Variants in TP53AIP1 observed in about 807,000 individuals in gnomAD.
The protein encoded by TP53AIP1 is tumor protein p53 regulated apoptosis inducing protein 1.
A neutral mutation model predicts 9.5 loss-of-function variants in TP53AIP1; 14 were observed. The observed-to-expected ratio is 1.47, with a 90% CI of 0.97 to 2.30. The LOEUF (loss-of-function observed/expected upper bound fraction) is 2.30. TP53AIP1 is among the 30% of genes most tolerant of loss of function. TP53AIP1 has a pLI of 0.00. For synonymous variants in TP53AIP1, 73 were observed against 61.2 expected (o/e 1.19, Z -0.90); for missense variants, 153 against 146.7 (o/e 1.04, Z -0.22).
At position 128,936,537 on chromosome 11, in the gene TP53AIP1, C is replaced by G; in HGVS notation, c.253+1G>C. On this transcript the variant is annotated splice_donor_variant, in intron 3 of 3. Coordinates refer to ENST00000531399, the MANE Select transcript of TP53AIP1 (RefSeq NM_022112.3). LOFTEE classifies it high-confidence loss of function. ...GAATTCACTAAGTAATTATCACACA[C>G]CTGTCAGGATCCAGACAGTTGCTGA... 1 of 1,563,090 alleles carries G rather than the reference C, an allele frequency of 6.4e-7. No homozygotes were observed. Among genetic ancestry groups the G allele is most frequent in the Non-Finnish European group, 8.6e-7 (1 of 1,162,198 alleles).
Position 128,937,651 on chromosome 11 carries a change from G to T in TP53AIP1, c.141+27C>A, listed in dbSNP as rs141657288. 9.9e-6 allele frequency: 16 copies of T among 1,614,160 alleles called. No homozygotes were observed. In the Middle Eastern group the frequency reaches 2.6e-3, roughly 266 times the overall value. On this transcript the variant is annotated intron_variant, in intron 2 of 3. Coordinates refer to ENST00000531399, the MANE Select transcript of TP53AIP1 (RefSeq NM_022112.3). The surrounding 1 kb of genome is among the most constrained non-coding windows in gnomAD (Gnocchi z 4.8). ...CCGGGGCTGTGGCAGGCAAAAGACC[G>T]TCTCGGTTTTCACTGCAGGGACTTA... is the stretch of plus-strand genomic sequence containing the variant.
chr11:128,935,232 C>G, downstream of TP53AIP1: 1 of 1,383,524 alleles, frequency 7.2e-7, no homozygotes, highest in Non-Finnish European at 9.6e-7. Context: ...GAAGTGCATA[C>G]TGGGAGTGCC....
intron 3 of TP53AIP1, 62 bp from the exon 4 acceptor site, chr11:128,935,774 A>C: frequency 6.9e-7 from 1 of 1,459,156 alleles, no homozygotes; most frequent in Non-Finnish European, 9.0e-7. Context: ...TTATTTACCA[A>C]ATATCATGTT....
At chr11:128,935,162 G>T, downstream of TP53AIP1, 1 of 914,176 alleles carries the variant, frequency 1.1e-6, no homozygotes, top group South Asian at 1.4e-5. Context: ...GGGGCTTGCT[G>T]GTTGGCATCA....
rs148355532 is a variant in TP53AIP1 at position 128,936,312 on chromosome 11, C to T, written c.253+226G>A. The stretch of plus-strand genomic sequence containing the variant: ...TCAATTAGCTTGGCTGTAGTGACCA[C>T]TCTTAAGTGTACCGTTACCTTTTAT... On this transcript the variant is annotated intron_variant, in intron 3 of 3. Coordinates refer to ENST00000531399, the MANE Select transcript of TP53AIP1 (RefSeq NM_022112.3). The T allele has an allele frequency of 1.0e-3, 1,325 of 1,329,874 alleles. 11 individuals are homozygous for T. The African/African-American group carries it at 0.018, about 18-fold the overall frequency. 82.4% of individuals were successfully genotyped at this position (1,329,874 alleles called of 1,614,324 possible). A position where few individuals can be genotyped will look rare whatever the true frequency, so the allele number is the denominator to read the frequency against.
chr11:128,934,969 T>C (rs1271222166), downstream of TP53AIP1: 6 of 702,484 alleles, frequency 8.5e-6, no homozygotes, highest in Non-Finnish European at 1.6e-5. Context: ...TGGTTAAGGG[T>C]TGCCCTGGGG....
rs144525909 is a variant in TP53AIP1, at chr11:128,938,639, G to A, written c.-76-745C>T. ...CTCTCGCAAGTCCCCGGTGGCCCAG[G>A]GTCTAGGGAGAAGCTGCATTCTGAG... On this transcript the variant is annotated intron_variant, in intron 1 of 3. Coordinates refer to ENST00000531399, the MANE Select transcript of TP53AIP1 (RefSeq NM_022112.3). Among the ~76,000 whole-genome samples, 9 of 152,240 alleles carry A rather than the reference G, an allele frequency of 5.9e-5. No homozygotes were observed. The East Asian group carries it at 1.7e-3, about 29-fold the overall frequency.
In TP53AIP1 at chr11:128,939,389, G is replaced by C. The variant is rs957581505; in HGVS notation, c.-76-1495C>G. Among the ~76,000 whole-genome samples, 12 of 152,238 alleles carry C rather than the reference G, an allele frequency of 7.9e-5. No homozygotes were observed. Among genetic ancestry groups the C allele is most frequent in the African/African-American group, 2.9e-4 (12 of 41,466 alleles). On this transcript the variant is annotated intron_variant, in intron 1 of 3. Coordinates refer to ENST00000531399, the MANE Select transcript of TP53AIP1 (RefSeq NM_022112.3). This position sits in a 1 kb window ranked among gnomAD's most constrained non-coding sequence, Gnocchi z 4.1. The stretch of plus-strand genomic sequence containing the variant: ...GCAGGGGCAGCTGACTGCTGTCCCA[G>C]ATGGACATAGAAGGTCACCATGTGG...
At chr11:128,935,999 C>T in intron 3 of TP53AIP1, 1 of 909,450 alleles carries the variant, frequency 1.1e-6, no homozygotes, top group Non-Finnish European at 1.4e-6. Flanking sequence ...AGGTGCTGTT[C>T]TTAGCATTTC....
Position 128,937,907 on chromosome 11 carries a change from A to G in TP53AIP1, c.-76-13T>C. ...AGTCCCTAAGGGACTAAAAACAAAC[A>G]AAACAGGCTATGAACAGAAGCAGTG... is the stretch of plus-strand genomic sequence containing the variant. On this transcript the variant is annotated splice_polypyrimidine_tract_variant and intron_variant, in intron 1 of 3. Transcript: ENST00000531399. This position sits in a 1 kb window ranked among gnomAD's most constrained non-coding sequence, Gnocchi z 4.8. The G allele has an allele frequency of 7.3e-7, 1 of 1,369,088 alleles. No homozygotes were observed. The highest frequency in any genetic ancestry group is 1.5e-5 in the African/African-American group (1 of 68,450). The allele number at this position is 1,369,088 out of a possible 1,614,324, so 84.8% of individuals were successfully genotyped here.
In TP53AIP1 at chr11:128,939,797, G is replaced by A. The variant is rs1370875275; in HGVS notation, c.-76-1903C>T. On this transcript the variant is annotated intron_variant, in intron 1 of 3. Coordinates refer to ENST00000531399, the MANE Select transcript of TP53AIP1 (RefSeq NM_022112.3). This position sits in a 1 kb window ranked among gnomAD's most constrained non-coding sequence, Gnocchi z 4.1. The stretch of plus-strand genomic sequence containing the variant: ...ATTCCCATGTAAAGCTGGCTGCAAT[G>A]GATGATGTTTCTGACTCATACTCTG... Among the ~76,000 whole-genome samples the A allele has an allele frequency of 6.6e-6, 1 of 152,198 alleles. No individual in the cohort carries two copies. The highest frequency in any genetic ancestry group is 1.5e-5 in the Non-Finnish European group (1 of 68,032).
At chr11:128,936,344 T>G in intron 3 of TP53AIP1, 194 bp downstream of exon 3, 1 of 1,381,434 alleles carries the variant, frequency 7.2e-7, no homozygotes, top group Non-Finnish European at 9.3e-7. Flanking sequence ...TTATTTTAAT[T>G]TGAGAAATTA....
In TP53AIP1 at chr11:128,939,601, T is replaced by G. The variant is rs1944902029; in HGVS notation, c.-76-1707A>C. Among the ~76,000 whole-genome samples the G allele has an allele frequency of 6.6e-6, 1 of 152,202 alleles. No homozygotes were observed. Among genetic ancestry groups the G allele is most frequent in the African/African-American group, 2.4e-5 (1 of 41,450 alleles). Reference sequence around the variant, plus strand: ...GCGGATGCACCTGTAGATGATGCACTGCCTTACTGTCCAGACAGAACAAAA... The same window carrying G: ...GCGGATGCACCTGTAGATGATGCACGGCCTTACTGTCCAGACAGAACAAAA... On this transcript the variant is annotated intron_variant, in intron 1 of 3. Transcript: ENST00000531399. This position sits in a 1 kb window ranked among gnomAD's most constrained non-coding sequence, Gnocchi z 4.1.
chr11:128,937,819 C>A lies in TP53AIP1; in HGVS notation c.-1G>T. ...AGCTCGCCTCAGAGGAAGATCCCAT[C>A]CAGGGGAGGCCCTGTCTGCAGAAAG... On this transcript the variant is annotated 5_prime_UTR_variant, in exon 2 of 4. Coordinates refer to ENST00000531399, the MANE Select transcript of TP53AIP1 (RefSeq NM_022112.3). This position sits in a 1 kb window ranked among gnomAD's most constrained non-coding sequence, Gnocchi z 4.8. The A allele has an allele frequency of 5.6e-6, 9 of 1,604,918 alleles. No individual in the cohort carries two copies. Among genetic ancestry groups the A allele is most frequent in the Non-Finnish European group, 7.7e-6 (9 of 1,175,480 alleles).
chr11:128,940,025 G>GC (rs1006428140), intron 1 of TP53AIP1, among the ~76,000 whole-genome samples: 24 of 152,092 alleles, frequency 1.6e-4, no homozygotes, highest in Non-Finnish European at 3.1e-4. Context: ...CATGCACCCA[G>GC]CCCCCCCTTG....
Position 128,935,424 on chromosome 11 carries a change from C to T in TP53AIP1, c.*167G>A, listed in dbSNP as rs1944793126. ...GGATACAGAAGGATGCAAAATGAGG[C>T]AACCTAGCCACCCAACTGGCCCAGT... On this transcript the variant is annotated 3_prime_UTR_variant, in exon 4 of 4. Transcript: ENST00000531399. 16 of 1,416,390 alleles carry T rather than the reference C, an allele frequency of 1.1e-5. No homozygotes were observed. The highest frequency in any genetic ancestry group is 1.5e-5 in the Non-Finnish European group (16 of 1,092,020). The allele number at this position is 1,416,390 out of a possible 1,614,324, so 87.7% of individuals were successfully genotyped here.
In TP53AIP1 at chr11:128,939,046, G is replaced by A. The variant is rs147777883; in HGVS notation, c.-76-1152C>T. Among the ~76,000 whole-genome samples the A allele has an allele frequency of 1.1e-4, 17 of 152,226 alleles. No individual in the cohort carries two copies. The East Asian group carries it at 2.3e-3, about 21-fold the overall frequency. Reference sequence around the variant, plus strand: ...AAGTACTGTGCGTGTACCATTTCTCGGAATACTTCCTGCAACCTTATGAAG... The same window carrying A: ...AAGTACTGTGCGTGTACCATTTCTCAGAATACTTCCTGCAACCTTATGAAG... On this transcript the variant is annotated intron_variant, in intron 1 of 3. Coordinates refer to ENST00000531399, the MANE Select transcript of TP53AIP1 (RefSeq NM_022112.3). The surrounding 1 kb of genome is among the most constrained non-coding windows in gnomAD (Gnocchi z 4.1).
rs1286663321 is a variant in TP53AIP1 at position 128,935,713 on chromosome 11, C to G, written c.254-1G>C. 3 of 1,566,226 alleles carry G rather than the reference C, an allele frequency of 1.9e-6. No individual in the cohort carries two copies. The African/African-American group carries it at 4.0e-5, about 21-fold the overall frequency. On this transcript the variant is annotated splice_acceptor_variant, in intron 3 of 3. Transcript: ENST00000531399. LOFTEE classifies it high-confidence loss of function. ...GGCCTGGAGAGACCTAGACCAAGGCCTCAGTAGGGAGGGAGAGAATTTACT... is the reference window on the plus strand; with the variant it reads ...GGCCTGGAGAGACCTAGACCAAGGCGTCAGTAGGGAGGGAGAGAATTTACT...
chr11:128,934,797 AC>A, downstream of TP53AIP1: 1 of 552,974 alleles, frequency 1.8e-6, no homozygotes, highest in South Asian at 2.1e-5. Context: ...GCAGAGAGAG[AC>A]CCACAGGGAA....
Sources: allele counts gnomAD v4.1 joint callset (sites outside exome capture counted in the v4.1 genomes callset), GRCh38; gene constraint gnomAD v4.1.1; non-coding constraint Gnocchi (gnomAD v3.1); transcripts MANE v1.5; gene names NCBI Gene and HGNC (gene_info 2026-07-23, HGNC 2026-07-21).